Variants in DCP2 observed in about 807,000 individuals in gnomAD.
DCP2 encodes the protein m7GpppN-mRNA hydrolase.
Under a neutral mutation model 56.1 loss-of-function variants are expected in DCP2, and 30 were observed. The ratio of observed to expected loss-of-function variants is 0.53; its 90% CI spans 0.40 to 0.73. The LOEUF (loss-of-function observed/expected upper bound fraction) is 0.73. Ranked by LOEUF, DCP2 falls within the 30% of genes least tolerant of loss-of-function variation. DCP2 has a pLI of 0.00. For missense variants in DCP2, 533 were observed against 502.7 expected (o/e 1.06, Z -0.58); for synonymous variants, 197 against 163.3 (o/e 1.21, Z -1.57).
At chr5:112,977,545 C>G (rs1033546994) in intron 1 of DCP2, among the ~76,000 whole-genome samples, 9 of 151,630 alleles carry the variant, frequency 5.9e-5, no homozygotes, top group African/African-American at 2.2e-4. Context: ...CTTTTTTTTT[C>G]TCATCCCTGG....
intron 4 of DCP2, among the ~76,000 whole-genome samples, chr5:113,000,412 A>ACC (rs1382816704): frequency 1.9e-5 from 2 of 105,242 alleles, no homozygotes; most frequent in Admixed American, 1.1e-4. Context: ...ACACACACAC[A>ACC]CACACACACA....
chr5:112,980,954 T>C (rs1270477241), intron 1 of DCP2, among the ~76,000 whole-genome samples: 2 of 152,154 alleles, frequency 1.3e-5, no homozygotes, highest in African/African-American at 2.4e-5. Flanking sequence ...ACACCCACTA[T>C]TGCCCCCATC....
At chr5:113,008,149 T>A in intron 9 of DCP2, 107 bp downstream of exon 9, 1 of 921,896 alleles carries the variant, frequency 1.1e-6, no homozygotes, top group Non-Finnish European at 1.7e-6. Flanking sequence ...TTATTTTAAT[T>A]GATATACTAG....
intron 5 of DCP2, 43 bp from the exon 6 acceptor site, chr5:113,001,314 T>C (rs1303179793): frequency 6.3e-7 from 1 of 1,597,954 alleles, no homozygotes; most frequent in Admixed American, 1.7e-5. Flanking sequence ...ATAAGCTCCT[T>C]GATAAAAATT....
Position 113,020,311 on chromosome 5 carries a change from C to G in DCP2, c.*6827C>G, listed in dbSNP as rs775755270. The G allele has an allele frequency of 1.3e-5, 2 of 151,918 alleles. No individual in the cohort carries two copies. The highest frequency in any genetic ancestry group is 6.6e-5 in the Admixed American group (1 of 15,246). The allele number at this position is 151,918 out of a possible 1,614,324, so 9.4% of individuals were successfully genotyped here. A position where few individuals can be genotyped will look rare whatever the true frequency, so the allele number is the denominator to read the frequency against. ...AAATGATTCAACCTTTAATTTTTGC[C>G]TAGATTATAGCAATGTTTTGTTTTA... On this transcript the variant is annotated 3_prime_UTR_variant, in exon 11 of 11. Coordinates refer to ENST00000389063, the MANE Select transcript of DCP2 (RefSeq NM_152624.6).
intron 1 of DCP2, among the ~76,000 whole-genome samples, chr5:112,985,558 T>G (rs1488043814): frequency 6.6e-6 from 1 of 152,216 alleles, no homozygotes; most frequent in Non-Finnish European, 1.5e-5. Flanking sequence ...TTGCTCACTT[T>G]TGTTGTTAGT....
intron 4 of DCP2, among the ~76,000 whole-genome samples, chr5:112,999,626 CTTT>C (rs760922948): frequency 4.3e-5 from 6 of 137,992 alleles, no homozygotes; most frequent in African/African-American, 8.0e-5. Context: ...CGCACCCAGC[CTTT>C]TTTTTTTTTT....
At chr5:112,993,477 T>G (rs1335058718) in intron 4 of DCP2, among the ~76,000 whole-genome samples, 1 of 151,884 alleles carries the variant, frequency 6.6e-6, no homozygotes, top group Non-Finnish European at 1.5e-5. Context: ...ATACAAAAAA[T>G]TAGCTGGGCG....
chr5:112,980,873 T>G (rs960351089), intron 1 of DCP2, among the ~76,000 whole-genome samples: 2 of 152,156 alleles, frequency 1.3e-5, no homozygotes, highest in Non-Finnish European at 2.9e-5. Context: ...GTTTCTTGTT[T>G]TATCAACTTT....
At chr5:112,998,444 CTCT>C (rs1748964911) in intron 4 of DCP2, among the ~76,000 whole-genome samples, 1 of 152,298 alleles carries the variant, frequency 6.6e-6, no homozygotes, top group Middle Eastern at 3.4e-3. Context: ...GAGTTGGGCA[CTCT>C]CCTCCTACCT....
chr5:113,009,748 CATT>C (rs1446993068), intron 9 of DCP2, among the ~76,000 whole-genome samples: 3 of 152,102 alleles, frequency 2.0e-5, no homozygotes, highest in Non-Finnish European at 4.4e-5. Flanking sequence ...AATTTCTTCA[CATT>C]ATATTCTATT....
intron 10 of DCP2, among the ~76,000 whole-genome samples, chr5:113,011,643 G>A (rs1420237031): frequency 1.3e-5 from 2 of 152,284 alleles, no homozygotes; most frequent in East Asian, 3.9e-4. Flanking sequence ...TGAAAGAGAT[G>A]CCTTAACCCT....
intron 4 of DCP2, among the ~76,000 whole-genome samples, chr5:113,000,879 C>T (rs940085384): frequency 1.3e-5 from 2 of 152,136 alleles, no homozygotes; most frequent in Non-Finnish European, 2.9e-5. Context: ...TATACCATAC[C>T]ACCTGTGGAT....
chr5:113,008,090 A>T, intron 9 of DCP2, 48 bp downstream of exon 9: 2 of 1,479,616 alleles, frequency 1.4e-6, no homozygotes, highest in Non-Finnish European at 1.9e-6. Flanking sequence ...TCCTCTGAAG[A>T]GTGAAACAAG....
Position 113,001,169 on chromosome 5 carries a change from G to A in DCP2, c.518G>A (p.Arg173His), listed in dbSNP as rs557055649. The part of the protein sequence containing the change: ...IELRINDQLA[R>H]LYIIPGIPKD... ...CTTCGAATCAATGACCAGCTTGCTC[G>A]TTTGTACATCATTCCAGGAATTCCA... The change falls in exon 5 of 11, where the codon CGT becomes CAT. Residue 173 changes from arginine (R) to histidine (H), a missense_variant. Around this residue, in one of 3 missense-constraint regions of DCP2, gnomAD observed 392 missense variants for 346.6 expected, o/e 1.13. Coordinates refer to ENST00000389063, the MANE Select transcript of DCP2 (RefSeq NM_152624.6). 8.7e-6 allele frequency: 14 copies of A among 1,613,858 alleles called. No individual in the cohort carries two copies. The highest frequency in any genetic ancestry group is 2.2e-5 in the East Asian group (1 of 44,856).
chr5:113,001,698 C>G, intron 7 of DCP2, 24 bp downstream of exon 7: 1 of 1,588,366 alleles, frequency 6.3e-7, no homozygotes, highest in Non-Finnish European at 8.6e-7. Flanking sequence ...TTCATGGAAT[C>G]CTGATTTTCT....
At chr5:112,995,183 C>T (rs1034157290) in intron 4 of DCP2, among the ~76,000 whole-genome samples, 1 of 152,096 alleles carries the variant, frequency 6.6e-6, no homozygotes, top group Non-Finnish European at 1.5e-5. Flanking sequence ...TTTACAACAG[C>T]CTATAGACAA....
intron 4 of DCP2, among the ~76,000 whole-genome samples, chr5:112,999,145 T>C (rs917262081): frequency 4.2e-4 from 64 of 152,346 alleles, no homozygotes; most frequent in African/African-American, 1.5e-3. Flanking sequence ...TAACAGGCTC[T>C]GCCCACGAGG....
In DCP2 at chr5:113,018,971, T is replaced by C. The variant is rs1314121018; in HGVS notation, c.*5487T>C. On this transcript the variant is annotated 3_prime_UTR_variant, in exon 11 of 11. Coordinates refer to ENST00000389063, the MANE Select transcript of DCP2 (RefSeq NM_152624.6). ...CAAGGCTTATAGCTTTCACATTGGC[T>C]TGGGAACAACAGACTTGTGTGTGGT... 6.6e-6 allele frequency: 1 copy of C among 152,232 alleles called. No individual in the cohort carries two copies. Among genetic ancestry groups the C allele is most frequent in the African/African-American group, 2.4e-5 (1 of 41,448 alleles). 9.4% of individuals were successfully genotyped at this position (152,232 alleles called of 1,614,324 possible).
Sources: gnomAD v4.1 joint callset for allele counts (sites outside exome capture counted in the v4.1 genomes callset) on GRCh38, gnomAD v4.1.1 for gene constraint, gnomAD v4.1.1 regional missense constraint, MANE v1.5 for transcripts, NCBI Gene and HGNC (gene_info 2026-07-23, HGNC 2026-07-21) for gene names.